The following KIFC3 variants were observed in gnomAD, a reference collection of about 807,000 sequenced individuals.
The protein encoded by KIFC3 is kinesin family member C3.
In KIFC3, 60 loss-of-function variants were observed where a neutral mutation model predicts 101.8. That is an observed-to-expected ratio of 0.59 (90% CI 0.48 to 0.73). The LOEUF (loss-of-function observed/expected upper bound fraction) is 0.73. Ranked by LOEUF, KIFC3 falls within the 30% of genes least tolerant of loss-of-function variation. The pLI is 0.00. For missense variants in KIFC3, 966 were observed against 1,137.1 expected (o/e 0.85, Z 2.16); for synonymous variants, 476 against 482.7 (o/e 0.99, Z 0.18).
At chr16:57,784,228 A>G (rs1555616410) in intron 3 of KIFC3, among the ~76,000 whole-genome samples, 1 of 152,252 alleles carries the variant, frequency 6.6e-6, no homozygotes, top group Non-Finnish European at 1.5e-5. Context: ...CCAAGGGAGC[A>G]GGCGGGCATG....
chr16:57,797,991 C>G lies in KIFC3; in HGVS notation c.172+81G>C, dbSNP rs535333397. On this transcript the variant is annotated intron_variant, in intron 2 of 19. Transcript: ENST00000445690. ...TGACAGCTCTGACTGGGCTTAGGAA[C>G]CGGTGAGAAACCTCAGTCTCATCTC... is the stretch of plus-strand genomic sequence containing the variant. 6.5e-5 allele frequency: 100 copies of G among 1,548,120 alleles called. No individual in the cohort carries two copies. In the African/African-American group the frequency reaches 1.2e-3, roughly 18 times the overall value.
At position 57,827,419 on chromosome 16, in the gene KIFC3, A is replaced by G. The variant is rs533415077; in HGVS notation, c.109-29137T>C. On this transcript the variant is annotated intron_variant, in intron 1 of 2. Transcript: ENST00000563028. Reference sequence around the variant, plus strand: ...TGGCCCATTCACCTGAACAAGGTTCACCCAGGGCAGTTTCCACAAATCCGG... The same window carrying G: ...TGGCCCATTCACCTGAACAAGGTTCGCCCAGGGCAGTTTCCACAAATCCGG... Among the ~76,000 whole-genome samples the G allele has an allele frequency of 2.0e-5, 3 of 152,364 alleles. No individual in the cohort carries two copies. The South Asian group carries it at 6.2e-4, about 32-fold the overall frequency.
chr16:57,788,491 G>T, intron 3 of KIFC3: 1 of 1,175,306 alleles, frequency 8.5e-7, no homozygotes, highest in Non-Finnish European at 1.1e-6. Flanking sequence ...GACAGGGCAT[G>T]GGGATATCAC....
chr16:57,788,077 C>T (rs986067327), intron 3 of KIFC3, among the ~76,000 whole-genome samples: 14 of 152,240 alleles, frequency 9.2e-5, no homozygotes, highest in African/African-American at 3.4e-4. Context: ...GCCCTGGGCA[C>T]CATGGCAGGC....
intron 1 of KIFC3, among the ~76,000 whole-genome samples, chr16:57,838,718 T>G (rs1331495919): frequency 6.6e-6 from 1 of 152,246 alleles, no homozygotes; most frequent in Non-Finnish European, 1.5e-5. Context: ...GGGTTACGCT[T>G]GATCATAGCT....
At chr16:57,828,103 T>C (rs1470368982) in intron 1 of KIFC3, among the ~76,000 whole-genome samples, 2 of 152,194 alleles carry the variant, frequency 1.3e-5, no homozygotes, top group Non-Finnish European at 2.9e-5. Flanking sequence ...CTGGCCCTCT[T>C]GGAGGCTCTT....
chr16:57,856,034 G>T (rs1167408509), intron 1 of KIFC3, among the ~76,000 whole-genome samples: 1 of 151,730 alleles, frequency 6.6e-6, no homozygotes, highest in East Asian at 1.9e-4. Context: ...AATGGTAATG[G>T]AAATAAGGCT....
At chr16:57,816,936 C>T (rs760445528) in intron 1 of KIFC3, 57 of 355,772 alleles carry the variant, frequency 1.6e-4, no homozygotes, top group Non-Finnish European at 2.7e-4. Context: ...ATAATCACAG[C>T]TAACCCTTCA....
At chr16:57,764,460 C>T (rs2050222479) in intron 11 of KIFC3, 2 of 552,544 alleles carry the variant, frequency 3.6e-6, no homozygotes, top group East Asian at 6.1e-5. Context: ...GCAGGGAAGA[C>T]AGGCCAGTGC....
chr16:57,832,059 C>T (rs948888040), intron 1 of KIFC3, among the ~76,000 whole-genome samples: 3 of 152,064 alleles, frequency 2.0e-5, no homozygotes, highest in African/African-American at 7.2e-5. Context: ...CTCGTTCTGT[C>T]ACCCAGCCTG....
intron 3 of KIFC3, chr16:57,775,347 A>G (rs1286623033): frequency 3.5e-6 from 4 of 1,133,112 alleles, no homozygotes; most frequent in African/African-American, 1.6e-5. Flanking sequence ...GAGACGCAGC[A>G]GACTGGCACC....
At chr16:57,833,645 G>A (rs2055629096) in intron 1 of KIFC3, among the ~76,000 whole-genome samples, 1 of 152,136 alleles carries the variant, frequency 6.6e-6, no homozygotes, top group Non-Finnish European at 1.5e-5. Flanking sequence ...CTATGGCATG[G>A]AAATGCAGGG....
chr16:57,771,061 C>A, intron 6 of KIFC3, 137 bp downstream of exon 6: 2 of 1,169,986 alleles, frequency 1.7e-6, no homozygotes, highest in Non-Finnish European at 2.4e-6. Context: ...GGGGCAGGAC[C>A]AAGCACAGAA....
intron 1 of KIFC3, among the ~76,000 whole-genome samples, chr16:57,820,177 G>T (rs996264438): frequency 6.6e-6 from 1 of 152,228 alleles, no homozygotes; most frequent in African/African-American, 2.4e-5. Context: ...ACTTTAAAAT[G>T]TGGCACCAGG....
rs781888283 is a variant in KIFC3 at position 57,760,796 on chromosome 16, C to T, written c.2162G>A (p.Arg721His). Reference protein sequence around the residue: ...LRSRQGHVPFRNSKLTYLLQD... With the variant: ...LRSRQGHVPFHNSKLTYLLQD... ...CAGCAGGTAGGTGAGCTTGGAGTTG[C>T]GGAAGGGCACGTGGCCCTGGCGGGA... Residue 721 changes from arginine to histidine, a missense_variant, in exon 16 of 20, where the codon CGC becomes CAC. By Grantham distance (29) the Arg-to-His change is conservative. Around this residue, in one of 2 missense-constraint regions of KIFC3, gnomAD observed 689 missense variants for 884.6 expected, o/e 0.78. Transcript: ENST00000445690. 1.2e-6 allele frequency: 2 copies of T among 1,613,670 alleles called. No individual in the cohort carries two copies. Among genetic ancestry groups the T allele is most frequent in the Non-Finnish European group, 8.5e-7 (1 of 1,179,996 alleles).
At chr16:57,807,379 G>T (rs2054961301), upstream of KIFC3, among the ~76,000 whole-genome samples, 1 of 152,130 alleles carries the variant, frequency 6.6e-6, no homozygotes, top group Admixed American at 6.5e-5. Flanking sequence ...TCTGGCACAA[G>T]GCTCACAGCT....
At chr16:57,793,927 G>A (rs1237777176) in intron 3 of KIFC3, among the ~76,000 whole-genome samples, 1 of 152,194 alleles carries the variant, frequency 6.6e-6, no homozygotes, top group Non-Finnish European at 1.5e-5. Flanking sequence ...AAAGATAGAG[G>A]ACTAAGAGAG....
At chr16:57,848,650 C>T (rs982336003) in intron 1 of KIFC3, among the ~76,000 whole-genome samples, 9 of 152,074 alleles carry the variant, frequency 5.9e-5, no homozygotes, top group African/African-American at 1.9e-4. Context: ...TTAAAAGACG[C>T]CCATATGAAG....
At chr16:57,831,369 A>G (rs2055577026) in intron 1 of KIFC3, among the ~76,000 whole-genome samples, 1 of 152,206 alleles carries the variant, frequency 6.6e-6, no homozygotes, top group South Asian at 2.1e-4. Flanking sequence ...CACTGTGCAC[A>G]TGAATCAGCT....
Sources: allele counts gnomAD v4.1 joint callset (sites outside exome capture counted in the v4.1 genomes callset), GRCh38; gene constraint gnomAD v4.1.1; regional missense constraint gnomAD v4.1.1; transcripts MANE v1.5; gene names NCBI Gene and HGNC (gene_info 2026-07-23, HGNC 2026-07-21).